Variants in CEACAM20 observed in about 807,000 individuals in gnomAD.
CEACAM20 encodes the protein cell adhesion molecule CEACAM20.
CEACAM20 carries 50 observed loss-of-function variants against 61.2 expected under a neutral mutation model. The observed-to-expected ratio is 0.82, with a 90% CI of 0.65 to 1.03. The LOEUF is 1.03. Among genes scored for constraint, CEACAM20 ranks in the 50% least tolerant of loss-of-function variants. The pLI is 0.00. For synonymous variants in CEACAM20, 282 were observed against 287.7 expected, an observed-to-expected ratio of 0.98 and a Z score of 0.20; for missense variants, 683 against 736.4, an observed-to-expected ratio of 0.93 and a Z score of 0.84.
At position 44,506,174 on chromosome 19, in the gene CEACAM20, T is replaced by C; in HGVS notation, c.1778A>G (p.Asn593Ser). The C allele has an allele frequency of 6.2e-7, 1 of 1,613,530 alleles. No individual in the cohort carries two copies. Among genetic ancestry groups the C allele is most frequent in the Non-Finnish European group, 8.5e-7 (1 of 1,179,680 alleles). ...TCTCTGCTTCCATTAGACGGAGGGG[T>C]TGATTTGGATGTAAGTGTTGGGCTC... ...NPEPNTYIQI[N>S]PSV Residue 593 changes from asparagine to serine, a missense_variant, in exon 12 of 12, where the codon AAC (asparagine) becomes AGC (serine). Asn to Ser is a conservative substitution (Grantham distance 46). Transcript: ENST00000614924.
chr19:44,506,921 T>A lies in CEACAM20; in HGVS notation c.1738-707A>T, dbSNP rs566658152. ...AGCTGCAAAGTCTGTGGTAATTCAT[T>A]ATACAGCAACTGATAACTCTACACC... is the stretch of plus-strand genomic sequence containing the variant. On this transcript the variant is annotated intron_variant, in intron 11 of 11. Coordinates refer to ENST00000614924, the MANE Select transcript of CEACAM20 (RefSeq NM_001102597.3). Among the ~76,000 whole-genome samples, 4 of 152,366 alleles carry A rather than the reference T, an allele frequency of 2.6e-5. No individual in the cohort carries two copies. In the South Asian group the frequency reaches 8.3e-4, roughly 32 times the overall value.
rs759148089 is a variant in CEACAM20 at position 44,522,661 on chromosome 19, G to C, written c.724C>G (p.Leu242Val). The change falls in exon 4 of 12, where the codon CTG (leucine) becomes GTG (valine). Residue 242 changes from leucine to valine, a missense_variant. By Grantham distance (32) the Leu-to-Val change is conservative. Coordinates refer to ENST00000614924, the MANE Select transcript of CEACAM20 (RefSeq NM_001102597.3). Reference sequence around the variant, plus strand: ...AGTACTCGGACCTTCAGAGTACCCAGGCTGGACAGGTGGGTGGCACTGTTG... The same window carrying C: ...AGTACTCGGACCTTCAGAGTACCCACGCTGGACAGGTGGGTGGCACTGTTG... ...VSNSATHLSS[L>V]GTLKVRVLET... 6.2e-7 allele frequency: 1 copy of C among 1,613,540 alleles called. No homozygotes were observed. Among genetic ancestry groups the C allele is most frequent in the Non-Finnish European group, 8.5e-7 (1 of 1,179,758 alleles).
chr19:44,525,217 G>A lies in CEACAM20; in HGVS notation c.80C>T (p.Pro27Leu). The A allele has an allele frequency of 1.2e-6, 2 of 1,608,156 alleles. No individual in the cohort carries two copies. The highest frequency in any genetic ancestry group is 2.3e-5 in the East Asian group (1 of 44,312). Residue 27 changes from proline (P) to leucine (L), a missense_variant, in exon 2 of 12, where the codon CCA becomes CTA. Physicochemically the swap from Pro to Leu is moderately conservative, Grantham distance 98. Coordinates refer to ENST00000614924, the MANE Select transcript of CEACAM20 (RefSeq NM_001102597.3). Reference sequence around the variant, plus strand: ...ATTGAGGGTGAGCTGGGCTGCAGCTGGAGGACTCCATACGGTACAAAGCGA... The same window carrying A: ...ATTGAGGGTGAGCTGGGCTGCAGCTAGAGGACTCCATACGGTACAAAGCGA... ...SASLCTVWSP[P>L]AAAQLTLNAN... is the part of the protein sequence containing the mutation.
chr19:44,522,997 T>A (rs1568457295), intron 3 of CEACAM20, 85 bp from the exon 4 acceptor site: 7 of 1,146,374 alleles, frequency 6.1e-6, no homozygotes, highest in Non-Finnish European at 7.5e-6. Flanking sequence ...CAATAAATAC[T>A]TTATTTCCCT....
chr19:44,512,078 T>C lies in CEACAM20; in HGVS notation c.1514A>G (p.Glu505Gly). Residue 505 changes from glutamate (E) to glycine (G), a missense_variant and splice_region_variant, in exon 9 of 12, where the codon GAA becomes GGA. Glu to Gly is a moderately conservative substitution (Grantham distance 98). Transcript: ENST00000614924. ...ATTGCGATACTCAGGACTCAGGCTT[T>C]CTAGAAAAAGTGAATCTCAGTCAGG... is the stretch of plus-strand genomic sequence containing the variant. ...KEEHPTEPSS[E>G]SLSPEYRNIS... 6.2e-7 allele frequency: 1 copy of C among 1,605,860 alleles called. No individual in the cohort carries two copies. The highest frequency in any genetic ancestry group is 8.5e-7 in the Non-Finnish European group (1 of 1,176,060).
chr19:44,524,552 G>A (rs1354671427), intron 2 of CEACAM20, among the ~76,000 whole-genome samples: 2 of 152,100 alleles, frequency 1.3e-5, no homozygotes, highest in African/African-American at 4.8e-5. Flanking sequence ...TCAAGCTTAC[G>A]ACATGGGTGC....
intron 6 of CEACAM20, 55 bp downstream of exon 6, chr19:44,516,891 C>G (rs1971171214): frequency 6.5e-7 from 1 of 1,546,358 alleles, no homozygotes; most frequent in Admixed American, 2.0e-5. Context: ...TAGCTGGGAC[C>G]AGCATCAGGA....
intron 5 of CEACAM20, 23 bp downstream of exon 5, chr19:44,520,451 G>A: frequency 1.2e-6 from 2 of 1,601,784 alleles, no homozygotes; most frequent in Non-Finnish European, 1.7e-6. Flanking sequence ...AGATGGGGAA[G>A]GTCCAGGCCC....
chr19:44,524,418 C>T (rs181080563), intron 2 of CEACAM20, among the ~76,000 whole-genome samples, 157 bp from the exon 3 acceptor site: 1 of 152,246 alleles, frequency 6.6e-6, no homozygotes, highest in African/African-American at 2.4e-5. Context: ...ATCTACTGCT[C>T]ATTCTTGGTG....
chr19:44,517,133 C>G lies in CEACAM20; in HGVS notation c.1122G>C (p.Gln374His), dbSNP rs1417428797. The G allele has an allele frequency of 6.2e-6, 10 of 1,613,608 alleles. No homozygotes were observed. The highest frequency in any genetic ancestry group is 2.2e-5 in the East Asian group (1 of 44,896). The change falls in exon 6 of 12, where the codon CAG becomes CAC. Residue 374 changes from glutamine to histidine, a missense_variant. Physicochemically the swap from Gln to His is conservative, Grantham distance 24 (BLOSUM62 0). Coordinates refer to ENST00000614924, the MANE Select transcript of CEACAM20 (RefSeq NM_001102597.3). ...EAELNSSLTLQCWAESKPGAE... is the reference protein window; with the variant it reads ...EAELNSSLTLHCWAESKPGAE... ...CACCTGGCTTGGACTCGGCCCAACACTGCAGGGTCAGGCTGGAGTTGAGCT... is the reference window on the plus strand; with the variant it reads ...CACCTGGCTTGGACTCGGCCCAACAGTGCAGGGTCAGGCTGGAGTTGAGCT...
intron 1 of CEACAM20, among the ~76,000 whole-genome samples, chr19:44,527,295 G>A (rs892331517): frequency 1.3e-5 from 2 of 152,030 alleles, no homozygotes; most frequent in Non-Finnish European, 2.9e-5. Context: ...TGATGGTGGT[G>A]GTCTTGATGA....
rs982267374 is a variant in CEACAM20 at position 44,520,915 on chromosome 19, G to A, written c.752-163C>T. 1.1e-4 allele frequency among the ~76,000 whole-genome samples: 16 copies of A among 152,060 alleles called. No homozygotes were observed. The East Asian group carries it at 1.7e-3, about 16-fold the overall frequency. The stretch of plus-strand genomic sequence containing the variant: ...TGCATAATGCTGGTGTGCGGGGTAC[G>A]TGTATGTCTTTTGTGGATGAATGTG... On this transcript the variant is annotated intron_variant, in intron 4 of 11. Coordinates refer to ENST00000614924, the MANE Select transcript of CEACAM20 (RefSeq NM_001102597.3).
In CEACAM20 at chr19:44,511,701, C is replaced by T. The variant is rs374221874; in HGVS notation, c.1576-29G>A. 1.9e-6 allele frequency: 3 copies of T among 1,609,720 alleles called. No individual in the cohort carries two copies. In the African/African-American group the frequency reaches 4.0e-5, roughly 22 times the overall value. On this transcript the variant is annotated intron_variant, in intron 9 of 11. Transcript: ENST00000614924. ...GGGAAAAACAAAGTTGCAGAGAGGT[C>T]ATAGGGCTTGGAATAGGGGCTACCC...
chr19:44,512,117 A>T, intron 8 of CEACAM20, 39 bp from the exon 9 acceptor site: 1 of 1,527,250 alleles, frequency 6.5e-7, no homozygotes. Flanking sequence ...TGGAGTTCGA[A>T]AGAGATATGG....
At chr19:44,514,266 A>C (rs1208398948) in intron 6 of CEACAM20, among the ~76,000 whole-genome samples, 2 of 152,166 alleles carry the variant, frequency 1.3e-5, no homozygotes, top group Non-Finnish European at 2.9e-5. Context: ...TGTTTTCATC[A>C]ATATTGGCCT....
At chr19:44,510,611 A>AGAAAGAAAGGAAGGAAGGAAGG (rs71171251) in intron 11 of CEACAM20, among the ~76,000 whole-genome samples, 9 of 72,414 alleles carry the variant, frequency 1.2e-4, no homozygotes, top group African/African-American at 5.7e-4. Flanking sequence ...AAAGAAAGAA[A>AGAAAGAAAGGAAGGAAGGAAGG]AAGGAAGGAA....
Position 44,524,157 on chromosome 19 carries a change from A to G in CEACAM20, c.301T>C (p.Trp101Arg), listed in dbSNP as rs537221984. The change falls in exon 3 of 12, where the codon TGG becomes CGG. Residue 101 changes from tryptophan to arginine, a missense_variant. By Grantham distance (101) the Trp-to-Arg change is moderately radical (BLOSUM62 -3). Transcript: ENST00000614924. ...ACAATGGAGAGGTTGTTGGAAACCC[A>G]GTGGATGGTAATGTTGACGTCCTTA... ...TTKDVNITIH[W>R]VSNNLSIVFH... 393 of 1,613,910 alleles carry G rather than the reference A, an allele frequency of 2.4e-4. 6 individuals are homozygous for G. The South Asian group carries it at 4.1e-3, about 17-fold the overall frequency.
At chr19:44,526,624 C>T (rs193065370) in intron 1 of CEACAM20, among the ~76,000 whole-genome samples, 1 of 152,060 alleles carries the variant, frequency 6.6e-6, no homozygotes. Flanking sequence ...TGCTTGTAAT[C>T]CCAGCTCTTT....
chr19:44,522,105 T>C (rs1971383165), intron 4 of CEACAM20, among the ~76,000 whole-genome samples: 1 of 151,830 alleles, frequency 6.6e-6, no homozygotes, highest in Admixed American at 6.6e-5. Context: ...CACTGGCTCT[T>C]AAGATTTTTT....
Sources: allele counts gnomAD v4.1 joint callset (sites outside exome capture counted in the v4.1 genomes callset), GRCh38; gene constraint gnomAD v4.1.1; transcripts MANE v1.5; gene names NCBI Gene and HGNC (gene_info 2026-07-23, HGNC 2026-07-21).